RBM45: variants seen among roughly 807,000 people sequenced by gnomAD.
RBM45 encodes RNA binding motif protein 45, also known as RNA-binding protein 45.
RBM45 carries 39 observed loss-of-function variants against 58.5 expected under a neutral mutation model. The observed-to-expected ratio is 0.67, with a 90% CI of 0.52 to 0.87. The LOEUF is 0.87. RBM45 is among the 40% of genes least tolerant of loss of function. The pLI, the probability that RBM45 is intolerant of heterozygous loss-of-function variation, is 0.00. For missense variants in RBM45, 481 were observed against 581.6 expected, an observed-to-expected ratio of 0.83 and a Z score of 1.78; for synonymous variants, 193 against 203.0, an observed-to-expected ratio of 0.95 and a Z score of 0.42.
At chr2:178,127,424 A>T (rs535759880) in intron 9 of RBM45, among the ~76,000 whole-genome samples, 1 of 152,292 alleles carries the variant, frequency 6.6e-6, no homozygotes, top group East Asian at 1.9e-4. Context: ...TGTGTGAGCT[A>T]GCACGTATGA....
In RBM45 at chr2:178,123,707, G is replaced by C. The variant is rs1354698894; in HGVS notation, c.983+56G>C. 3 of 1,585,548 alleles carry C rather than the reference G, an allele frequency of 1.9e-6. No individual in the cohort carries two copies. The East Asian group carries it at 6.7e-5, about 35-fold the overall frequency. On this transcript the variant is annotated intron_variant, in intron 6 of 9. Transcript: ENST00000286070. ...GAGCTTTGAGTGTACATGATTGATA[G>C]GACTTGAAGAATAAAAATAGAAACA...
At position 178,122,287 on chromosome 2, in the gene RBM45, G is replaced by A. The variant is rs183244048; in HGVS notation, c.853+928G>A. ...GGTAGAGAGAAATCATACTTGGTTG[G>A]CATCTCTTCCAGTTTTGTAAGGATA... On this transcript the variant is annotated intron_variant, in intron 5 of 9. Coordinates refer to ENST00000286070, the MANE Select transcript of RBM45 (RefSeq NM_152945.4). 2.5e-4 allele frequency among the ~76,000 whole-genome samples: 38 copies of A among 152,126 alleles called. No homozygotes were observed. The East Asian group carries it at 6.9e-3, about 28-fold the overall frequency.
At chr2:178,123,807 A>G in intron 6 of RBM45, 21 bp from the exon 7 acceptor site, 1 of 1,611,966 alleles carries the variant, frequency 6.2e-7, no homozygotes, top group Non-Finnish European at 8.5e-7. Flanking sequence ...TTTTCTGTAA[A>G]TTATCAGTTA....
At chr2:178,136,040 A>G (rs1203174724) in intron 3 of RBM45, among the ~76,000 whole-genome samples, 1 of 152,162 alleles carries the variant, frequency 6.6e-6, no homozygotes, top group Admixed American at 6.5e-5. Flanking sequence ...GCCCAGTGTG[A>G]TGGCTCACGC....
chr2:178,126,998 G>C (rs553289116), intron 9 of RBM45, among the ~76,000 whole-genome samples: 1 of 151,628 alleles, frequency 6.6e-6, no homozygotes, highest in Admixed American at 6.6e-5. Flanking sequence ...GTGCAGTGGC[G>C]AGATCTCGAT....
At chr2:178,118,003 T>A in intron 2 of RBM45, 52 bp from the exon 3 acceptor site, 2 of 1,456,892 alleles carry the variant, frequency 1.4e-6, no homozygotes, top group Non-Finnish European at 1.8e-6. Context: ...TCTGAAATAC[T>A]CTGTTCAATT....
chr2:178,127,219 G>A lies in RBM45; in HGVS notation c.*8+1035G>A, dbSNP rs557290679. Among the ~76,000 whole-genome samples the A allele has an allele frequency of 3.3e-5, 5 of 152,242 alleles. No homozygotes were observed. In the East Asian group the frequency reaches 9.7e-4, roughly 29 times the overall value. Reference sequence around the variant, plus strand: ...ATTACAGGCATGAGCCACTGCGCCTGGCCTAAAGTTTGGCGGTTTTTATTC... The same window carrying A: ...ATTACAGGCATGAGCCACTGCGCCTAGCCTAAAGTTTGGCGGTTTTTATTC... On this transcript the variant is annotated intron_variant, in intron 9 of 9. Coordinates refer to ENST00000286070, the MANE Select transcript of RBM45 (RefSeq NM_152945.4).
intron 1 of RBM45, among the ~76,000 whole-genome samples, chr2:178,114,894 TTC>T (rs2087752630): frequency 6.6e-6 from 1 of 152,178 alleles, no homozygotes; most frequent in South Asian, 2.1e-4. Flanking sequence ...ACAGACTAGT[TTC>T]ATTCAGCAGC....
chr2:178,123,678 A>G (rs1156743047), intron 6 of RBM45, 27 bp downstream of exon 6: 14 of 1,589,910 alleles, frequency 8.8e-6, no homozygotes, highest in Non-Finnish European at 1.2e-5. Flanking sequence ...GAGTGTCTAA[A>G]GCCGAGCTTT....
At chr2:178,118,215 G>A (rs1430040462) in intron 3 of RBM45, 34 bp downstream of exon 3, 1 of 1,557,780 alleles carries the variant, frequency 6.4e-7, no homozygotes, top group Admixed American at 1.9e-5. Flanking sequence ...AAAAACTTTT[G>A]TAAAAAATTC....
intron 7 of RBM45, 31 bp downstream of exon 7, chr2:178,123,943 A>G (rs370354049): frequency 5.1e-6 from 8 of 1,563,980 alleles, no homozygotes; most frequent in African/African-American, 1.4e-5. Context: ...CCTTTATAAT[A>G]TATCAATAGC....
chr2:178,121,396 G>T, intron 5 of RBM45, 37 bp downstream of exon 5: 174 of 377,026 alleles, frequency 4.6e-4, no homozygotes, highest in African/African-American at 7.2e-4. Flanking sequence ...ATATATATAT[G>T]TATATATACA....
Position 178,124,188 on chromosome 2 carries a change from C to T in RBM45, c.1130C>T (p.Ser377Leu), listed in dbSNP as rs1262343175. 1 of 1,609,456 alleles carries T rather than the reference C, an allele frequency of 6.2e-7. No homozygotes were observed. Among genetic ancestry groups the T allele is most frequent in the East Asian group, 2.2e-5 (1 of 44,796 alleles). Reference sequence around the variant, plus strand: ...ATCCAGACAGATGTTGTACTTCCATCATGCAAAAAAAAAGCTCCTGCTGAA... The same window carrying T: ...ATCCAGACAGATGTTGTACTTCCATTATGCAAAAAAAAAGCTCCTGCTGAA... ...PQIQTDVVLP[S>L]CKKKAPAETP... Residue 377 changes from serine (S) to leucine (L), a missense_variant, in exon 8 of 10, where the codon TCA becomes TTA. Transcript: ENST00000286070.
intron 8 of RBM45, 127 bp downstream of exon 8, chr2:178,124,417 C>G: frequency 2.1e-6 from 1 of 486,670 alleles, no homozygotes. Flanking sequence ...TTTAAAACCT[C>G]CTTATTTGTA....
intron 7 of RBM45, 91 bp downstream of exon 7, chr2:178,124,003 T>C: frequency 1.3e-6 from 2 of 1,504,426 alleles, no homozygotes; most frequent in Non-Finnish European, 1.8e-6. Flanking sequence ...TATCTGTGTA[T>C]GAAAATTTTC....
At chr2:178,121,437 CACA>C in intron 5 of RBM45, 78 bp downstream of exon 5, 1 of 658,486 alleles carries the variant, frequency 1.5e-6, no homozygotes, top group Non-Finnish European at 2.2e-6. Context: ...CACACACACA[CACA>C]CACAGAGTTT....
intron 1 of RBM45, 98 bp downstream of exon 1, chr2:178,112,944 A>T (rs1401435575): frequency 1.5e-6 from 2 of 1,308,030 alleles, no homozygotes; most frequent in East Asian, 2.5e-5. Flanking sequence ...GGAGTGGAAC[A>T]TCCGTTCCCG....
intron 2 of RBM45, 28 bp downstream of exon 2, chr2:178,116,412 T>C: frequency 6.3e-7 from 1 of 1,590,712 alleles, no homozygotes; most frequent in South Asian, 1.1e-5. Flanking sequence ...CTAGCATATG[T>C]GATAACTCAT....
chr2:178,122,807 G>T (rs2087872929), intron 5 of RBM45, among the ~76,000 whole-genome samples: 1 of 151,932 alleles, frequency 6.6e-6, no homozygotes, highest in African/African-American at 2.4e-5. Flanking sequence ...TTAAAATGTT[G>T]GATGCTTGGG....
Sources: gnomAD v4.1 joint callset for allele counts (sites outside exome capture counted in the v4.1 genomes callset) on GRCh38, gnomAD v4.1.1 for gene constraint, MANE v1.5 for transcripts, NCBI Gene and HGNC (gene_info 2026-07-23, HGNC 2026-07-21) for gene names.